The following RANBP2 variants were observed in gnomAD, a reference collection of about 807,000 sequenced individuals.
RANBP2 encodes the protein RAN binding protein 2, also known as E3 SUMO-protein ligase RanBP2.
RANBP2 carries 57 observed loss-of-function variants against 303.6 expected under a neutral mutation model. The ratio of observed to expected loss-of-function variants is 0.19; its 90% CI spans 0.15 to 0.23. The LOEUF (loss-of-function observed/expected upper bound fraction) is 0.23, where lower values mean the gene tolerates loss of function less well. Among genes scored for constraint, RANBP2 ranks in the 10% least tolerant of loss-of-function variants. The probability of loss-of-function intolerance (pLI) is 1.00; values close to 1 mark genes in which losing one functional copy is unlikely to be tolerated. For synonymous variants in RANBP2, 1,167 were observed against 1,301.5 expected (o/e 0.90, Z 2.23); for missense variants, 3,138 against 3,780.8 (o/e 0.83, Z 4.46).
chr2:109,006,205 T>A, the RANBP2 span, among the ~76,000 whole-genome samples: 2 of 152,188 alleles, frequency 1.3e-5, no homozygotes, highest in African/African-American at 2.4e-5. Flanking sequence ...TCTTTTTTTT[T>A]AATTTTTAGA....
chr2:109,439,268 G>T, the RANBP2 span, among the ~76,000 whole-genome samples: 3 of 152,130 alleles, frequency 2.0e-5, no homozygotes, highest in African/African-American at 7.2e-5. Context: ...AGTGAGGCAC[G>T]GGATGGTTAA....
At chr2:109,086,797 G>C in the RANBP2 span, among the ~76,000 whole-genome samples, 8 of 152,138 alleles carry the variant, frequency 5.3e-5, no homozygotes, top group Non-Finnish European at 1.2e-4. Flanking sequence ...CCAAGCAACA[G>C]AGAGACCCAG....
the RANBP2 span, among the ~76,000 whole-genome samples, chr2:109,573,070 A>C: frequency 6.6e-6 from 1 of 152,238 alleles, no homozygotes; most frequent in East Asian, 1.9e-4. Flanking sequence ...TCTATGGCAG[A>C]TAGGCTCTTA....
intron 7 of RANBP2, among the ~76,000 whole-genome samples, chr2:108,745,101 C>T (rs1050366591): frequency 4.8e-5 from 7 of 144,752 alleles, no homozygotes; most frequent in Non-Finnish European, 8.9e-5. Context: ...AAAACCAGGA[C>T]ATTAGCTGGC....
At chr2:109,029,713 G>A in the RANBP2 span, among the ~76,000 whole-genome samples, 1 of 152,152 alleles carries the variant, frequency 6.6e-6, no homozygotes, top group African/African-American at 2.4e-5. Flanking sequence ...CTCCTTTCCT[G>A]GCTGGAACAG....
chr2:108,720,709 T>C (rs1254403204), intron 1 of RANBP2, among the ~76,000 whole-genome samples: 5 of 152,256 alleles, frequency 3.3e-5, no homozygotes, highest in Non-Finnish European at 7.3e-5. Flanking sequence ...GCTTGACACA[T>C]AGCACTAAAT....
At chr2:108,923,468 C>T in the RANBP2 span, 6 of 1,612,404 alleles carry the variant, frequency 3.7e-6, no homozygotes, top group East Asian at 2.2e-5. Context: ...GGGGGAGAGA[C>T]AAGACAAAAC....
At chr2:108,787,988 T>A, downstream of RANBP2, 10 of 1,410,650 alleles carry the variant, frequency 7.1e-6, no homozygotes, top group African/African-American at 1.5e-5. Context: ...AGACAGTAAA[T>A]TGATTTTTAG....
the RANBP2 span, among the ~76,000 whole-genome samples, chr2:109,103,745 T>G: frequency 6.6e-6 from 1 of 152,250 alleles, no homozygotes; most frequent in African/African-American, 2.4e-5. Context: ...TGCGAGGGCC[T>G]GGAAGGGGAA....
At chr2:109,676,010 C>T in the RANBP2 span, among the ~76,000 whole-genome samples, 19 of 152,340 alleles carry the variant, frequency 1.2e-4, no homozygotes, top group East Asian at 1.2e-3. Context: ...TCTATGCACC[C>T]GCGCTGTCCA....
the RANBP2 span, among the ~76,000 whole-genome samples, chr2:109,356,361 A>G: frequency 1.3e-5 from 2 of 152,158 alleles, no homozygotes; most frequent in African/African-American, 4.8e-5. Flanking sequence ...GTGCCACCAC[A>G]CTGCAGCTAG....
chr2:109,666,222 T>C, the RANBP2 span, among the ~76,000 whole-genome samples: 1 of 152,156 alleles, frequency 6.6e-6, no homozygotes, highest in Non-Finnish European at 1.5e-5. Context: ...TATAAAATAG[T>C]TAATGAAATT....
At chr2:109,496,331 A>G in the RANBP2 span, among the ~76,000 whole-genome samples, 17,672 of 151,940 alleles carry the variant, frequency 0.12, 1,528 homozygotes, top group East Asian at 0.29. Context: ...GCATTTTACA[A>G]TCCTCTTGCT....
At chr2:109,401,650 CA>C in the RANBP2 span, among the ~76,000 whole-genome samples, 1 of 152,196 alleles carries the variant, frequency 6.6e-6, no homozygotes, top group East Asian at 1.9e-4. Context: ...CCAAGAGGGC[CA>C]GGGGCATCTT....
At chr2:109,479,666 T>C in the RANBP2 span, among the ~76,000 whole-genome samples, 1 of 152,164 alleles carries the variant, frequency 6.6e-6, no homozygotes, top group African/African-American at 2.4e-5. Flanking sequence ...CCTGCACTTT[T>C]GTCTCCTCAT....
At chr2:109,732,651 T>C in the RANBP2 span, 1 of 518,680 alleles carries the variant, frequency 1.9e-6, no homozygotes, top group Non-Finnish European at 3.8e-6. Flanking sequence ...TAATTTTTAT[T>C]AGAGAACCGG....
chr2:109,064,477 A>AAAAC, the RANBP2 span, among the ~76,000 whole-genome samples: 2 of 148,236 alleles, frequency 1.3e-5, no homozygotes, highest in Non-Finnish European at 3.0e-5. Context: ...AAAAACAAAA[A>AAAAC]CAAACTGGTA....
the RANBP2 span, chr2:108,791,552 C>T: frequency 8.8e-7 from 1 of 1,134,744 alleles, no homozygotes; most frequent in Non-Finnish European, 1.3e-6. Flanking sequence ...TTACATTTTG[C>T]AGTTTAAAAA....
chr2:108,779,117 T>G (rs1445878358), intron 25 of RANBP2, among the ~76,000 whole-genome samples: 3 of 152,106 alleles, frequency 2.0e-5, no homozygotes, highest in Admixed American at 1.3e-4. Flanking sequence ...AACCTGTGGC[T>G]TTTGTTCTCA....
Sources: gnomAD v4.1 joint callset for allele counts (sites outside exome capture counted in the v4.1 genomes callset) on GRCh38, gnomAD v4.1.1 for gene constraint, MANE v1.5 for transcripts, NCBI Gene and HGNC (gene_info 2026-07-23, HGNC 2026-07-21) for gene names.